Variants in SLC19A3 observed in about 807,000 individuals in gnomAD.
SLC19A3 encodes the protein solute carrier family 19 member 3, also known as thiamine transporter 2.
A neutral mutation model predicts 40.2 loss-of-function variants in SLC19A3; 31 were observed. That is an observed-to-expected ratio of 0.77 (90% CI 0.58 to 1.04). SLC19A3 has a LOEUF of 1.04. SLC19A3 is among the 50% of genes least tolerant of loss of function. SLC19A3 has a pLI of 0.00. For missense variants in SLC19A3, 592 were observed against 596.7 expected (o/e 0.99, Z 0.08); for synonymous variants, 212 against 227.5 (o/e 0.93, Z 0.61).
At position 227,687,225 on chromosome 2, in the gene SLC19A3, T is replaced by A; in HGVS notation, c.*172A>T. 1 of 612,148 alleles carries A rather than the reference T, an allele frequency of 1.6e-6. No homozygotes were observed. 37.9% of individuals were successfully genotyped at this position (612,148 alleles called of 1,614,324 possible). ...TGTCAATTGCATCCAGTAAAATTGGTCACATAGAGAACTCATCTAAAACTG... is the reference window on the plus strand; with the variant it reads ...TGTCAATTGCATCCAGTAAAATTGGACACATAGAGAACTCATCTAAAACTG... On this transcript the variant is annotated 3_prime_UTR_variant, in exon 6 of 6. Transcript: ENST00000644224.
chr2:227,698,688 C>T, intron 3 of SLC19A3, 48 bp downstream of exon 3: 1 of 1,529,670 alleles, frequency 6.5e-7, no homozygotes, highest in Non-Finnish European at 9.0e-7. Context: ...GAGGAATGGA[C>T]TTAAGCGGGT....
chr2:227,696,785 G>A (rs1695454077), intron 3 of SLC19A3, among the ~76,000 whole-genome samples: 1 of 152,136 alleles, frequency 6.6e-6, no homozygotes, highest in African/African-American at 2.4e-5. Context: ...GGTATTTAGG[G>A]CTGGGGACAG....
At chr2:227,693,323 G>T (rs2106323506) in intron 4 of SLC19A3, among the ~76,000 whole-genome samples, 1 of 152,198 alleles carries the variant, frequency 6.6e-6, no homozygotes, top group African/African-American at 2.4e-5. Flanking sequence ...GCCTGACTTT[G>T]AATTACACTA....
At chr2:227,690,706 C>CAAAAAAAAAAAAAAAAAAAAAAAAAAA (rs34163746) in intron 4 of SLC19A3, among the ~76,000 whole-genome samples, 2 of 39,166 alleles carry the variant, frequency 5.1e-5, no homozygotes, top group African/African-American at 1.9e-4. Context: ...GACTCCATCT[C>CAAAAAAAAAAAAAAAAAAAAAAAAAAA]AAAAAAAAAA....
chr2:227,694,198 G>A (rs1211103320), intron 4 of SLC19A3, among the ~76,000 whole-genome samples: 1 of 152,076 alleles, frequency 6.6e-6, no homozygotes, highest in Non-Finnish European at 1.5e-5. Flanking sequence ...GTAGATACGG[G>A]GTTTAATCAT....
At chr2:227,716,188 A>T (rs1000869723) in intron 1 of SLC19A3, among the ~76,000 whole-genome samples, 1 of 152,206 alleles carries the variant, frequency 6.6e-6, no homozygotes, top group Non-Finnish European at 1.5e-5. Context: ...TATTGTCTAT[A>T]GACATGCAAA....
rs1257272686 is a variant in SLC19A3, at chr2:227,718,008, C to G, written c.-68G>C. The G allele has an allele frequency of 1.0e-6, 1 of 985,212 alleles. No homozygotes were observed. The highest frequency in any genetic ancestry group is 1.2e-6 in the Non-Finnish European group (1 of 829,722). The allele number at this position is 985,212 out of a possible 1,614,324, so 61.0% of individuals were successfully genotyped here. ...CGCACGACCACGCACCCGCGGCTGTCGGATGGATCCAGGCGCTCTTGGTGG... is the reference window on the plus strand; with the variant it reads ...CGCACGACCACGCACCCGCGGCTGTGGGATGGATCCAGGCGCTCTTGGTGG... On this transcript the variant is annotated 5_prime_UTR_variant, in exon 1 of 6. Transcript: ENST00000644224.
intron 1 of SLC19A3, among the ~76,000 whole-genome samples, chr2:227,711,911 G>A (rs1054675299): frequency 7.2e-5 from 11 of 151,918 alleles, no homozygotes; most frequent in Non-Finnish European, 1.2e-4. Context: ...TTACCCAGGC[G>A]TGGTGGCACA....
At chr2:227,708,605 C>CAA (rs75351825) in intron 1 of SLC19A3, among the ~76,000 whole-genome samples, 5 of 151,408 alleles carry the variant, frequency 3.3e-5, no homozygotes, top group African/African-American at 1.2e-4. Flanking sequence ...AAAAAAACAA[C>CAA]AAAAAAAACT....
chr2:227,688,440 A>T (rs1695103072), intron 4 of SLC19A3, 133 bp from the exon 5 acceptor site: 2 of 745,818 alleles, frequency 2.7e-6, no homozygotes, highest in South Asian at 3.2e-5. Flanking sequence ...AAAGAGAGAG[A>T]GAGACTGTCT....
chr2:227,684,097 C>T lies in SLC19A3; in HGVS notation c.*3300G>A, dbSNP rs1001115453. On this transcript the variant is annotated 3_prime_UTR_variant, in exon 6 of 6. Transcript: ENST00000644224. ...TACAGGCATGAGCCACCGTGCCAGG[C>T]CTCATTTGTCTTTTTAGAAAAGTTA... 6.6e-6 allele frequency: 1 copy of T among 152,170 alleles called. No individual in the cohort carries two copies. Among genetic ancestry groups the T allele is most frequent in the African/African-American group, 2.4e-5 (1 of 41,436 alleles). The allele number at this position is 152,170 out of a possible 1,614,324, so 9.4% of individuals were successfully genotyped here.
At position 227,710,523 on chromosome 2, in the gene SLC19A3, C is replaced by T. The variant is rs536254247; in HGVS notation, c.-3+7420G>A. Among the ~76,000 whole-genome samples, 5 of 152,148 alleles carry T rather than the reference C, an allele frequency of 3.3e-5. No homozygotes were observed. In the South Asian group the frequency reaches 1.0e-3, roughly 32 times the overall value. ...CCAGCCTGGCCAACATGGCAAAACT[C>T]GGTCTGTACTAAAAATATAAAAATT... On this transcript the variant is annotated intron_variant, in intron 1 of 5. Coordinates refer to ENST00000644224, the MANE Select transcript of SLC19A3 (RefSeq NM_025243.4).
intron 1 of SLC19A3, among the ~76,000 whole-genome samples, chr2:227,712,813 C>T (rs1487088587): frequency 4.2e-5 from 1 of 23,852 alleles, no homozygotes; most frequent in Non-Finnish European, 1.1e-3. Context: ...AATCCAGACA[C>T]AAAAAAATGT....
intron 4 of SLC19A3, among the ~76,000 whole-genome samples, chr2:227,689,530 G>T (rs1412290167): frequency 6.6e-6 from 1 of 152,162 alleles, no homozygotes; most frequent in African/African-American, 2.4e-5. Context: ...ACCCGAAGGA[G>T]AAATAAAGAC....
chr2:227,717,694 T>C (rs1696379413), intron 1 of SLC19A3, among the ~76,000 whole-genome samples: 1 of 152,140 alleles, frequency 6.6e-6, no homozygotes, highest in Non-Finnish European at 1.5e-5. Flanking sequence ...ACGGGAATCA[T>C]GATTTTATTT....
chr2:227,710,504 T>C (rs1330464695), intron 1 of SLC19A3, among the ~76,000 whole-genome samples: 2 of 152,246 alleles, frequency 1.3e-5, no homozygotes, highest in East Asian at 3.9e-4. Context: ...GAGACCAGCC[T>C]GGCCAACATG....
intron 1 of SLC19A3, among the ~76,000 whole-genome samples, chr2:227,707,188 C>T (rs1695976723): frequency 2.0e-5 from 3 of 152,224 alleles, no homozygotes; most frequent in Admixed American, 1.3e-4. Context: ...CTGATCCAGC[C>T]AACATCTTTG....
chr2:227,691,309 T>C (rs964564939), intron 4 of SLC19A3, among the ~76,000 whole-genome samples: 3 of 151,754 alleles, frequency 2.0e-5, no homozygotes, highest in Admixed American at 1.3e-4. Context: ...AGTGCCTACA[T>C]AAAAAAAAGA....
At chr2:227,710,087 C>G (rs756794558) in intron 1 of SLC19A3, among the ~76,000 whole-genome samples, 11 of 152,280 alleles carry the variant, frequency 7.2e-5, no homozygotes, top group Admixed American at 1.3e-4. Flanking sequence ...AATGCCGCCA[C>G]TGATCTGACG....
Sources: allele counts gnomAD v4.1 joint callset (sites outside exome capture counted in the v4.1 genomes callset), GRCh38; gene constraint gnomAD v4.1.1; transcripts MANE v1.5; gene names NCBI Gene and HGNC (gene_info 2026-07-23, HGNC 2026-07-21).